MMP21: variants seen among roughly 807,000 people sequenced by gnomAD.
MMP21 encodes the protein matrix metalloproteinase-21.
MMP21 carries 40 observed loss-of-function variants against 47.8 expected under a neutral mutation model. The observed-to-expected ratio is 0.84, with a 90% CI of 0.65 to 1.09. MMP21 has a LOEUF of 1.09. Ranked by LOEUF, MMP21 falls within the 50% of genes least tolerant of loss-of-function variation. The probability of loss-of-function intolerance (pLI) is 0.00; values close to 1 mark genes in which losing one functional copy is unlikely to be tolerated. For missense variants in MMP21, 747 were observed against 775.3 expected, an observed-to-expected ratio of 0.96 and a Z score of 0.43; for synonymous variants, 341 against 318.0, an observed-to-expected ratio of 1.07 and a Z score of -0.77.
At chr10:125,769,666 G>A (rs1850424816) in intron 5 of MMP21, among the ~76,000 whole-genome samples, 1 of 152,202 alleles carries the variant, frequency 6.6e-6, no homozygotes, top group Non-Finnish European at 1.5e-5. Context: ...CCAGGTAGCA[G>A]TGATCACCTC....
chr10:125,773,551 AG>A lies in MMP21; in HGVS notation c.697+279del, dbSNP rs1421767270. 6.6e-6 allele frequency among the ~76,000 whole-genome samples: 1 copy of A among 152,120 alleles called. No individual in the cohort carries two copies. The highest frequency in any genetic ancestry group is 1.5e-5 in the Non-Finnish European group (1 of 68,014). Reference sequence around the variant, plus strand: ...CCCTAGGGAAGCTGGAGGCACAGGCAGGGGGCCCGAGTGGGACTTTGAGGAG... The same window carrying A: ...CCCTAGGGAAGCTGGAGGCACAGGCAGGGGCCCGAGTGGGACTTTGAGGAG... On this transcript the variant is annotated intron_variant, in intron 2 of 6. Coordinates refer to ENST00000368808, the MANE Select transcript of MMP21 (RefSeq NM_147191.1). This position sits in a 1 kb window ranked among gnomAD's most constrained non-coding sequence, Gnocchi z 4.8.
chr10:125,770,706 C>T (rs1850436891), intron 4 of MMP21, 115 bp from the exon 5 acceptor site: 1 of 1,195,662 alleles, frequency 8.4e-7, no homozygotes, highest in African/African-American at 1.5e-5. Context: ...ATAAAAACAC[C>T]TTAAAGCAAG....
Position 125,770,489 on chromosome 10 carries a change from T to C in MMP21, c.1082A>G (p.Asn361Ser). 4 of 1,614,174 alleles carry C rather than the reference T, an allele frequency of 2.5e-6. No homozygotes were observed. The highest frequency in any genetic ancestry group is 3.4e-6 in the Non-Finnish European group (4 of 1,180,032). The stretch of plus-strand genomic sequence containing the variant: ...ATTTTCATAAAGCCAGTACCAGCTG[T>C]TACGGAAGAAATATGTGCTAAATCT... ...MVRFSTYFFRNSWYWLYENRN... is the reference protein window; with the variant it reads ...MVRFSTYFFRSSWYWLYENRN... The change falls in exon 5 of 7, where the codon AAC (asparagine) becomes AGC (serine). Residue 361 changes from asparagine (N) to serine (S), a missense_variant. Coordinates refer to ENST00000368808, the MANE Select transcript of MMP21 (RefSeq NM_147191.1).
In MMP21 at chr10:125,766,726, T is replaced by A; in HGVS notation, c.1646A>T (p.Lys549Ile). Residue 549 changes from lysine (K) to isoleucine (I), a missense_variant, in exon 7 of 7, where the codon AAA (lysine) becomes ATA (isoleucine). Coordinates refer to ENST00000368808, the MANE Select transcript of MMP21 (RefSeq NM_147191.1). ...SWLPANGLFP[K>I]KFISEKWFDV... ...AAACCACTTCTCTGAAATAAACTTT[T>A]TTGGAAATAAGCCATTAGCAGGAAG... 6.2e-7 allele frequency: 1 copy of A among 1,613,890 alleles called. No homozygotes were observed. The highest frequency in any genetic ancestry group is 8.5e-7 in the Non-Finnish European group (1 of 1,179,982).
intron 5 of MMP21, among the ~76,000 whole-genome samples, chr10:125,768,513 C>T (rs1289294791): frequency 6.6e-6 from 1 of 152,234 alleles, no homozygotes; most frequent in Non-Finnish European, 1.5e-5. Flanking sequence ...ACTAGATCCA[C>T]TTAGATGCTT....
rs769156721 is a variant in MMP21 at position 125,773,872 on chromosome 10, G to A, written c.656C>T (p.Ala219Val). The A allele has an allele frequency of 3.2e-6, 5 of 1,571,534 alleles. No individual in the cohort carries two copies. Among genetic ancestry groups the A allele is most frequent in the South Asian group, 2.3e-5 (2 of 88,336 alleles). Reference protein sequence around the residue: ...TPLDFREDLAAPGAAVDIKLG... With the variant: ...TPLDFREDLAVPGAAVDIKLG... ...CTTGATGTCGACCGCGGCCCCGGGG[G>A]CGGCCAGGTCCTCGCGGAAGTCCAG... Residue 219 changes from alanine (A) to valine (V), a missense_variant, in exon 2 of 7, where the codon GCC (alanine) becomes GTC (valine). Coordinates refer to ENST00000368808, the MANE Select transcript of MMP21 (RefSeq NM_147191.1). The surrounding 1 kb of genome is among the most constrained non-coding windows in gnomAD (Gnocchi z 4.8).
rs1026654099 is a variant in MMP21, at chr10:125,774,357, C to T, written c.171G>A (p.Leu57=). ...ACACCCCTGACCAGCCGTATCTGGA[C>T]AGGAACCGCTGTGGGAGAGAAAGGC... The part of the protein sequence containing the change: ...IADLHAAQRF[L]SRYGWSGVWA... Residue 57 remains leucine (L), a synonymous_variant, in exon 2 of 7, where the codon CTG becomes CTA. Transcript: ENST00000368808. 5.6e-5 allele frequency: 77 copies of T among 1,365,312 alleles called. No homozygotes were observed. Among genetic ancestry groups the T allele is most frequent in the Non-Finnish European group, 7.1e-5 (75 of 1,063,004 alleles). The allele number at this position is 1,365,312 out of a possible 1,614,324, so 84.6% of individuals were successfully genotyped here.
intron 6 of MMP21, 60 bp from the exon 7 acceptor site, chr10:125,767,021 T>A (rs781379017): frequency 1.1e-4 from 153 of 1,374,888 alleles, no homozygotes; most frequent in Non-Finnish European, 1.4e-4. Flanking sequence ...TTTGGTTAAT[T>A]TATAACAATG....
rs12413930 is a variant in MMP21, at chr10:125,770,025, G to A, written c.1237+309C>T. ...TTAATTAAGCCAGGTGTAGTGGTGCGTGCCTGTGGTCCCAGCTACTCAGGA... is the reference window on the plus strand; with the variant it reads ...TTAATTAAGCCAGGTGTAGTGGTGCATGCCTGTGGTCCCAGCTACTCAGGA... On this transcript the variant is annotated intron_variant, in intron 5 of 6. Coordinates refer to ENST00000368808, the MANE Select transcript of MMP21 (RefSeq NM_147191.1). Among the ~76,000 whole-genome samples the A allele has an allele frequency of 4.3e-3, 661 of 152,166 alleles. 30 individuals carry two copies. The East Asian group carries it at 0.09, about 21-fold the overall frequency.
At position 125,767,410 on chromosome 10, in the gene MMP21, G is replaced by A. The variant is rs1436339112; in HGVS notation, c.1410+122C>T. On this transcript the variant is annotated intron_variant, in intron 6 of 6. Coordinates refer to ENST00000368808, the MANE Select transcript of MMP21 (RefSeq NM_147191.1). ...GCCCACCTTGGCCTCCCAAAGTGCG[G>A]GATTACAGGCATGCGCCACTGTGGC... The A allele has an allele frequency of 7.2e-6, 7 of 977,998 alleles. No individual in the cohort carries two copies. In the African/African-American group the frequency reaches 1.1e-4, roughly 16 times the overall value. 60.6% of individuals were successfully genotyped at this position (977,998 alleles called of 1,614,324 possible). A position where few individuals can be genotyped will look rare whatever the true frequency, so the allele number is the denominator to read the frequency against.
At position 125,773,673 on chromosome 10, in the gene MMP21, C is replaced by G. The variant is rs1291419995; in HGVS notation, c.697+158G>C. Among the ~76,000 whole-genome samples the G allele has an allele frequency of 6.6e-6, 1 of 152,106 alleles. No homozygotes were observed. The highest frequency in any genetic ancestry group is 1.5e-5 in the Non-Finnish European group (1 of 68,032). On this transcript the variant is annotated intron_variant, in intron 2 of 6. Transcript: ENST00000368808. This position sits in a 1 kb window ranked among gnomAD's most constrained non-coding sequence, Gnocchi z 4.8. ...GGTGACCATGATTCCGACAAGACGACGCTGACCGGTGGCTTCTGCCTGCCC... is the reference window on the plus strand; with the variant it reads ...GGTGACCATGATTCCGACAAGACGAGGCTGACCGGTGGCTTCTGCCTGCCC...
chr10:125,767,602 A>G lies in MMP21; in HGVS notation c.1340T>C (p.Ile447Thr). 6.2e-7 allele frequency: 1 copy of G among 1,614,172 alleles called. No individual in the cohort carries two copies. The highest frequency in any genetic ancestry group is 1.7e-5 in the Admixed American group (1 of 60,022). The change falls in exon 6 of 7, where the codon ATC (isoleucine) becomes ACC (threonine). Residue 447 changes from isoleucine (I) to threonine (T), a missense_variant. By Grantham distance (89) the Ile-to-Thr change is moderately conservative. Transcript: ENST00000368808. ...PKLISEGFPGIPSPLDTAFYD... is the reference protein window; with the variant it reads ...PKLISEGFPGTPSPLDTAFYD... ...AAACGCCGTGTCTAGGGGACTTGGG[A>G]TGCCAGGAAATCCTTCTGAAATCAA... is the stretch of plus-strand genomic sequence containing the variant.
chr10:125,766,929 T>G lies in MMP21; in HGVS notation c.1443A>C (p.Val481=). The change falls in exon 7 of 7, where the codon GTA becomes GTC. Residue 481 remains valine, a synonymous_variant. Transcript: ENST00000368808. ...VFAFDVNRNR[V]LNSYPKRITE... is the part of the protein sequence containing the mutation. ...TAATCCTCTTTGGATAAGAATTAAG[T>G]ACTCGATTTCTGTTGACATCAAATG... 6.2e-7 allele frequency: 1 copy of G among 1,602,918 alleles called. No individual in the cohort carries two copies. Among genetic ancestry groups the G allele is most frequent in the African/African-American group, 1.3e-5 (1 of 74,454 alleles).
In MMP21 at chr10:125,773,817, C is replaced by T. The variant is rs755712714; in HGVS notation, c.697+14G>A. 1 of 1,498,080 alleles carries T rather than the reference C, an allele frequency of 6.7e-7. No individual in the cohort carries two copies. The highest frequency in any genetic ancestry group is 8.9e-7 in the Non-Finnish European group (1 of 1,129,410). 92.8% of individuals were successfully genotyped at this position (1,498,080 alleles called of 1,614,324 possible). A position where few individuals can be genotyped will look rare whatever the true frequency, so the allele number is the denominator to read the frequency against. ...GGCTGGGTCGGGCAGGCAGGGAGCC[C>T]GGGGTGCTCTTACCTCTCCCAAAGC... is the stretch of plus-strand genomic sequence containing the variant. On this transcript the variant is annotated intron_variant, in intron 2 of 6. Coordinates refer to ENST00000368808, the MANE Select transcript of MMP21 (RefSeq NM_147191.1). This position sits in a 1 kb window ranked among gnomAD's most constrained non-coding sequence, Gnocchi z 4.8.
At position 125,774,699 on chromosome 10, in the gene MMP21, G is replaced by T. The variant is rs541207332; in HGVS notation, c.163-334C>A. 1.7e-3 allele frequency among the ~76,000 whole-genome samples: 263 copies of T among 152,200 alleles called. 1 individual carries two copies. The highest frequency in any genetic ancestry group is 3.1e-3 in the Non-Finnish European group (210 of 68,032). On this transcript the variant is annotated intron_variant, in intron 1 of 6. Transcript: ENST00000368808. ...TAGGGCCGGAGGAGCAGGAGACCTG[G>T]GCAGCGGGGTGGGCGAGTGCCGGGA...
At position 125,766,611 on chromosome 10, in the gene MMP21, T is replaced by A; in HGVS notation, c.*51A>T. ...AAAATCCGGTTTTCTTTGTAAACAG[T>A]ATCAGAATTTTAGCGAAGTCCTATG... is the stretch of plus-strand genomic sequence containing the variant. On this transcript the variant is annotated 3_prime_UTR_variant, in exon 7 of 7. Transcript: ENST00000368808. 6.9e-7 allele frequency: 1 copy of A among 1,451,934 alleles called. No homozygotes were observed. The highest frequency in any genetic ancestry group is 2.0e-4 in the Middle Eastern group (1 of 5,026). 89.9% of individuals were successfully genotyped at this position (1,451,934 alleles called of 1,614,324 possible). A position where few individuals can be genotyped will look rare whatever the true frequency, so the allele number is the denominator to read the frequency against.
Position 125,773,520 on chromosome 10 carries a change from G to A in MMP21, c.697+311C>T, listed in dbSNP as rs1850476559. On this transcript the variant is annotated intron_variant, in intron 2 of 6. Transcript: ENST00000368808. The surrounding 1 kb of genome is among the most constrained non-coding windows in gnomAD (Gnocchi z 4.8). ...CCTGCCCTGTCCTGAGACCCCAGCTGCTGCTCCCTAGGGAAGCTGGAGGCA... is the reference window on the plus strand; with the variant it reads ...CCTGCCCTGTCCTGAGACCCCAGCTACTGCTCCCTAGGGAAGCTGGAGGCA... Among the ~76,000 whole-genome samples the A allele has an allele frequency of 6.6e-6, 1 of 152,164 alleles. No individual in the cohort carries two copies. Among genetic ancestry groups the A allele is most frequent in the Admixed American group, 6.5e-5 (1 of 15,278 alleles).
chr10:125,772,627 C>T lies in MMP21; in HGVS notation c.821G>A (p.Gly274Asp). Reference protein sequence around the residue: ...EHFTPPTSDTGISLLKVAVHE... With the variant: ...EHFTPPTSDTDISLLKVAVHE... ...ACCACTGACCTTGAGAAGGCTGATG[C>T]CCGTGTCACTGGTGGGAGGTGTGAA... Residue 274 changes from glycine (G) to aspartate (D), a missense_variant, in exon 3 of 7, where the codon GGC (glycine) becomes GAC (aspartate). Transcript: ENST00000368808. The surrounding 1 kb of genome is among the most constrained non-coding windows in gnomAD (Gnocchi z 5.6). 1 of 1,614,238 alleles carries T rather than the reference C, an allele frequency of 6.2e-7. No homozygotes were observed. Among genetic ancestry groups the T allele is most frequent in the Non-Finnish European group, 8.5e-7 (1 of 1,180,044 alleles).
rs199549459 is a variant in MMP21 at position 125,767,580 on chromosome 10, C to T, written c.1362G>A (p.Ala454=). 3.7e-6 allele frequency: 6 copies of T among 1,614,180 alleles called. No individual in the cohort carries two copies. Among genetic ancestry groups the T allele is most frequent in the Admixed American group, 1.7e-5 (1 of 60,034 alleles). The change falls in exon 6 of 7, where the codon GCG becomes GCA. Residue 454 remains alanine, a synonymous_variant. Coordinates refer to ENST00000368808, the MANE Select transcript of MMP21 (RefSeq NM_147191.1). ...TTAACTTCTGTCTTCGGTCATAAAA[C>T]GCCGTGTCTAGGGGACTTGGGATGC... ...FPGIPSPLDT[A]FYDRRQKLIY...
Sources: gnomAD v4.1 joint callset for allele counts (sites outside exome capture counted in the v4.1 genomes callset) on GRCh38, gnomAD v4.1.1 for gene constraint, Gnocchi (gnomAD v3.1) non-coding constraint, MANE v1.5 for transcripts, NCBI Gene and HGNC (gene_info 2026-07-23, HGNC 2026-07-21) for gene names.